Variants in TENM3 observed in about 807,000 individuals in gnomAD.
TENM3 encodes teneurin-3.
Under a neutral mutation model 255.1 loss-of-function variants are expected in TENM3, and 63 were observed. That is an observed-to-expected ratio of 0.25 (90% CI 0.20 to 0.30). The LOEUF is 0.30. Among genes scored for constraint, TENM3 ranks in the 10% least tolerant of loss-of-function variants. The pLI is 1.00. For synonymous variants in TENM3, 1,306 were observed against 1,322.3 expected (o/e 0.99, Z 0.27); for missense variants, 2,929 against 3,461.1 (o/e 0.85, Z 3.86).
intron 1 of TENM3, among the ~76,000 whole-genome samples, chr4:182,184,407 C>A (rs1157487853): frequency 6.6e-6 from 1 of 151,460 alleles, no homozygotes; most frequent in African/African-American, 2.4e-5. Flanking sequence ...CCAAAAATTG[C>A]CCTTTCATCA....
chr4:181,511,983 C>A, the TENM3 span, among the ~76,000 whole-genome samples: 2 of 152,244 alleles, frequency 1.3e-5, no homozygotes, highest in African/African-American at 4.8e-5. Context: ...CTCAAAAACC[C>A]TTCAGGGGAC....
chr4:181,692,733 G>T, the TENM3 span, among the ~76,000 whole-genome samples: 670 of 152,284 alleles, frequency 4.4e-3, 6 homozygotes, highest in African/African-American at 0.015. Flanking sequence ...AGGCATGGAG[G>T]TACAGGATGG....
At chr4:182,628,952 T>C (rs1751095318) in intron 5 of TENM3, 63 bp downstream of exon 5, 2 of 973,948 alleles carry the variant, frequency 2.1e-6, no homozygotes, top group African/African-American at 3.3e-5. Flanking sequence ...TTTTATTACT[T>C]GTATTTATTC....
intron 3 of TENM3, among the ~76,000 whole-genome samples, chr4:182,544,974 A>T (rs76080709): frequency 0.028 from 4,205 of 152,346 alleles, 92 homozygotes; most frequent in Non-Finnish European, 0.043. Context: ...AAAATCTTCA[A>T]CAGTAGATAT....
At chr4:182,332,062 A>C (rs1279926901) in intron 2 of TENM3, among the ~76,000 whole-genome samples, 2 of 152,210 alleles carry the variant, frequency 1.3e-5, no homozygotes, top group East Asian at 3.8e-4. Context: ...TCTATAGGAT[A>C]GTTGCAGAAA....
chr4:182,494,363 G>A (rs1183838815), intron 3 of TENM3, among the ~76,000 whole-genome samples: 1 of 152,156 alleles, frequency 6.6e-6, no homozygotes, highest in Admixed American at 6.5e-5. Flanking sequence ...TACTTTGTGA[G>A]AGAGAAACCA....
the TENM3 span, among the ~76,000 whole-genome samples, chr4:182,052,893 G>T: frequency 6.6e-6 from 1 of 152,092 alleles, no homozygotes; most frequent in African/African-American, 2.4e-5. Context: ...AAAATCTGAT[G>T]AACTTTTGTG....
At chr4:182,728,912 C>A in intron 13 of TENM3, 53 bp from the exon 14 acceptor site, 2 of 1,397,824 alleles carry the variant, frequency 1.4e-6, no homozygotes, top group Non-Finnish European at 2.0e-6. Context: ...ACTGATTCTA[C>A]ATTATGGCAT....
chr4:181,859,673 C>T, the TENM3 span, among the ~76,000 whole-genome samples: 8 of 152,186 alleles, frequency 5.3e-5, no homozygotes, highest in African/African-American at 1.4e-4. Flanking sequence ...TGTACTTTGA[C>T]AACCAATTAT....
the TENM3 span, among the ~76,000 whole-genome samples, chr4:181,969,248 A>G: frequency 2.6e-5 from 4 of 152,144 alleles, no homozygotes; most frequent in African/African-American, 7.2e-5. Context: ...CTTGCCCTTG[A>G]TTATTTAAAA....
intron 4 of TENM3, among the ~76,000 whole-genome samples, chr4:182,619,283 T>A (rs1749866216): frequency 6.6e-6 from 1 of 151,872 alleles, no homozygotes. Context: ...TAAAAAAAAT[T>A]AGCTGGGCAT....
At chr4:181,914,355 T>C in the TENM3 span, among the ~76,000 whole-genome samples, 1 of 152,206 alleles carries the variant, frequency 6.6e-6, no homozygotes, top group Admixed American at 6.5e-5. Context: ...TATCTCCTCC[T>C]GTGTGAGGAC....
At chr4:182,606,384 C>A (rs894291844) in intron 4 of TENM3, among the ~76,000 whole-genome samples, 2 of 151,888 alleles carry the variant, frequency 1.3e-5, no homozygotes, top group East Asian at 1.9e-4. Context: ...ATTAGCCAGG[C>A]GGGGTGGTGG....
chr4:181,878,219 G>T, the TENM3 span, among the ~76,000 whole-genome samples: 126 of 152,122 alleles, frequency 8.3e-4, no homozygotes, highest in Non-Finnish European at 1.4e-3. Flanking sequence ...TATATACAAG[G>T]CTGTGTATCA....
chr4:181,736,583 A>G, the TENM3 span, among the ~76,000 whole-genome samples: 1,539 of 152,018 alleles, frequency 0.01, 27 homozygotes, highest in African/African-American at 0.035. Flanking sequence ...AGGAAAAACT[A>G]TTCTGTGAGT....
At chr4:181,670,738 T>G in the TENM3 span, among the ~76,000 whole-genome samples, 2 of 152,194 alleles carry the variant, frequency 1.3e-5, no homozygotes, top group African/African-American at 4.8e-5. Context: ...AGAAGTACTG[T>G]GTCTGTCGCA....
chr4:182,637,938 C>A (rs763444401), intron 5 of TENM3, among the ~76,000 whole-genome samples: 1 of 152,182 alleles, frequency 6.6e-6, no homozygotes, highest in East Asian at 1.9e-4. Flanking sequence ...AGTGTTACCA[C>A]ATAAACCTAA....
the TENM3 span, among the ~76,000 whole-genome samples, chr4:181,506,849 G>A: frequency 9.9e-5 from 15 of 151,680 alleles, no homozygotes; most frequent in South Asian, 2.1e-4. Flanking sequence ...ATATTATGTG[G>A]TCTCAGTAAC....
At chr4:182,633,355 A>T (rs781745583) in intron 5 of TENM3, among the ~76,000 whole-genome samples, 2 of 152,226 alleles carry the variant, frequency 1.3e-5, no homozygotes, top group Non-Finnish European at 2.9e-5. Flanking sequence ...TTAGCTCTTC[A>T]TTCTAGACGC....
Sources: gnomAD v4.1 joint callset for allele counts (sites outside exome capture counted in the v4.1 genomes callset) on GRCh38, gnomAD v4.1.1 for gene constraint, MANE v1.5 for transcripts, NCBI Gene and HGNC (gene_info 2026-07-23, HGNC 2026-07-21) for gene names.